SH2D4A: variants seen among roughly 807,000 people sequenced by gnomAD.
The protein encoded by SH2D4A is SH2 domain-containing protein 4A.
Under a neutral mutation model 64.7 loss-of-function variants are expected in SH2D4A, and 70 were observed. That is an observed-to-expected ratio of 1.08 (90% CI 0.89 to 1.32). The LOEUF is 1.32. SH2D4A is among the 40% of genes most tolerant of loss of function. The probability of loss-of-function intolerance (pLI) is 0.00; values close to 1 mark genes in which losing one functional copy is unlikely to be tolerated. For synonymous variants in SH2D4A, 268 were observed against 200.7 expected (o/e 1.34, Z -2.83); for missense variants, 706 against 540.1 (o/e 1.31, Z -3.04).
intron 1 of SH2D4A, among the ~76,000 whole-genome samples, chr8:19,314,803 C>T (rs2052058601): frequency 6.6e-6 from 1 of 152,288 alleles, no homozygotes; most frequent in Admixed American, 6.5e-5. Flanking sequence ...TCTGTGTGTA[C>T]AGTAATCTCA....
intron 8 of SH2D4A, among the ~76,000 whole-genome samples, chr8:19,384,017 G>T (rs904174737): frequency 6.6e-6 from 1 of 152,184 alleles, no homozygotes; most frequent in African/African-American, 2.4e-5. Context: ...TGGTTTATCA[G>T]ATTTGTGCAG....
rs2052150113 is a variant in SH2D4A, at chr8:19,319,571, G to A, written c.24G>A (p.Glu8=). ...AGATGCTGAAACAGATACTGTCGGA[G>A]ATGTACATAGATCCTGATCTACTGG... The part of the protein sequence containing the change: MLKQILS[E]MYIDPDLLAE... The change falls in exon 2 of 10, where the codon GAG becomes GAA. Residue 8 remains glutamate (E), a synonymous_variant. Transcript: ENST00000265807. The A allele has an allele frequency of 1.9e-6, 3 of 1,580,602 alleles. No individual in the cohort carries two copies.
chr8:19,385,814 A>C (rs113732696), intron 8 of SH2D4A, among the ~76,000 whole-genome samples: 18 of 152,304 alleles, frequency 1.2e-4, no homozygotes, highest in African/African-American at 4.3e-4. Context: ...GACCTGAGTC[A>C]CTACCCCTAA....
intron 7 of SH2D4A, among the ~76,000 whole-genome samples, chr8:19,369,199 G>A (rs112486328): frequency 0.017 from 2,515 of 152,094 alleles, 76 homozygotes; most frequent in African/African-American, 0.057. Flanking sequence ...CATGGTGAAG[G>A]ATGTTTTTGA....
chr8:19,314,026 G>T (rs2052042072), intron 1 of SH2D4A: 2 of 1,163,250 alleles, frequency 1.7e-6, no homozygotes, highest in Non-Finnish European at 2.1e-6. Context: ...GAGCGGCCGC[G>T]GCGGGTGTCC....
intron 8 of SH2D4A, among the ~76,000 whole-genome samples, chr8:19,383,309 C>T (rs188554526): frequency 6.6e-6 from 1 of 151,846 alleles, no homozygotes; most frequent in Admixed American, 6.6e-5. Context: ...GTGATTCTTT[C>T]TTCTCCCTGC....
At chr8:19,354,536 C>T (rs1324666115) in intron 4 of SH2D4A, among the ~76,000 whole-genome samples, 2 of 152,076 alleles carry the variant, frequency 1.3e-5, no homozygotes, top group Admixed American at 6.6e-5. Flanking sequence ...TTCATAACCG[C>T]GTCAGATCTG....
chr8:19,326,267 A>G (rs1284872305), intron 2 of SH2D4A, among the ~76,000 whole-genome samples: 2 of 152,212 alleles, frequency 1.3e-5, no homozygotes, highest in South Asian at 2.1e-4. Context: ...GGGCATGGGC[A>G]TCAACCAGTT....
At chr8:19,334,896 A>C in intron 4 of SH2D4A, 39 bp downstream of exon 4, 1 of 1,552,378 alleles carries the variant, frequency 6.4e-7, no homozygotes, top group South Asian at 1.3e-5. Context: ...GAATTTCATC[A>C]TGGGGGAGAA....
intron 4 of SH2D4A, among the ~76,000 whole-genome samples, chr8:19,348,781 C>G (rs1414461484): frequency 6.6e-6 from 1 of 152,190 alleles, no homozygotes; most frequent in African/African-American, 2.4e-5. Flanking sequence ...CAAAATAACA[C>G]TTTAAGGTGA....
At chr8:19,333,843 G>A (rs974809129) in intron 3 of SH2D4A, among the ~76,000 whole-genome samples, 4 of 152,288 alleles carry the variant, frequency 2.6e-5, no homozygotes, top group Middle Eastern at 3.4e-3. Flanking sequence ...AGGCCAGGAA[G>A]GAAAGTGCAG....
chr8:19,366,957 A>G (rs534261070), intron 7 of SH2D4A, among the ~76,000 whole-genome samples: 2 of 152,122 alleles, frequency 1.3e-5, no homozygotes, highest in African/African-American at 4.8e-5. Context: ...TGTTCTCTTT[A>G]ATTTTTTTGA....
chr8:19,370,467 C>G (rs988976346), intron 7 of SH2D4A, among the ~76,000 whole-genome samples: 1 of 152,002 alleles, frequency 6.6e-6, no homozygotes, highest in Non-Finnish European at 1.5e-5. Flanking sequence ...CTGTATTGAA[C>G]TCTTTATTAT....
chr8:19,389,628 T>A (rs938867290), intron 8 of SH2D4A, among the ~76,000 whole-genome samples: 2 of 152,206 alleles, frequency 1.3e-5, no homozygotes, highest in African/African-American at 4.8e-5. Context: ...GCCAGAGTTC[T>A]GCCAGTCCTG....
At chr8:19,329,735 T>A (rs530832794) in intron 2 of SH2D4A, among the ~76,000 whole-genome samples, 16 of 152,326 alleles carry the variant, frequency 1.1e-4, no homozygotes, top group Middle Eastern at 6.8e-3. Flanking sequence ...GAAGGTTTTA[T>A]CAGGGGTTTC....
rs5889867 is a variant in SH2D4A, at chr8:19,339,495, C to CTTTTTTTT, written c.513+4649_513+4656dup. 1.4e-4 allele frequency among the ~76,000 whole-genome samples: 18 copies of CTTTTTTTT among 129,020 alleles called. 1 individual carries two copies. Among genetic ancestry groups the CTTTTTTTT allele is most frequent in the African/African-American group, 1.5e-4 (5 of 33,870 alleles). 84.6% of individuals were successfully genotyped at this position (129,020 alleles called of 152,430 possible). A position where few individuals can be genotyped will look rare whatever the true frequency, so the allele number is the denominator to read the frequency against. ...CACTTTCCTCTTCCCTATAAACTTTCTTTTTTTTTTTTTTTTTTCTTTTTG... is the reference window on the plus strand; with the variant it reads ...CACTTTCCTCTTCCCTATAAACTTTCTTTTTTTTTTTTTTTTTTTTTTTTTTCTTTTTG... On this transcript the variant is annotated intron_variant, in intron 4 of 9. Coordinates refer to ENST00000265807, the MANE Select transcript of SH2D4A (RefSeq NM_022071.4).
chr8:19,317,970 C>A (rs943360204), intron 1 of SH2D4A, among the ~76,000 whole-genome samples: 4 of 151,882 alleles, frequency 2.6e-5, no homozygotes, highest in South Asian at 4.2e-4. Context: ...GGCGCGATCT[C>A]GGCTCACTGC....
intron 9 of SH2D4A, among the ~76,000 whole-genome samples, chr8:19,393,953 GT>G (rs1341208692): frequency 6.6e-6 from 1 of 152,086 alleles, no homozygotes; most frequent in African/African-American, 2.4e-5. Context: ...TTATTACATT[GT>G]TATATATAAT....
intron 4 of SH2D4A, among the ~76,000 whole-genome samples, chr8:19,340,457 T>C (rs1234293857): frequency 2.1e-4 from 32 of 152,016 alleles, no homozygotes; most frequent in Admixed American, 2.1e-3. Flanking sequence ...TGAGATGTCA[T>C]CAGGATGGAC....
Sources: allele counts gnomAD v4.1 joint callset (sites outside exome capture counted in the v4.1 genomes callset), GRCh38; gene constraint gnomAD v4.1.1; transcripts MANE v1.5; gene names NCBI Gene and HGNC (gene_info 2026-07-23, HGNC 2026-07-21).